The following GTF2F2 variants were observed in gnomAD, a reference collection of about 807,000 sequenced individuals.
GTF2F2 encodes the protein ATP-dependent helicase GTF2F2.
Under a neutral mutation model 42.2 loss-of-function variants are expected in GTF2F2, and 23 were observed. The ratio of observed to expected loss-of-function variants is 0.55; its 90% confidence interval spans 0.39 to 0.77. The LOEUF (loss-of-function observed/expected upper bound fraction) is 0.77. GTF2F2 is among the 30% of genes least tolerant of loss of function. The pLI is 0.00. For synonymous variants in GTF2F2, 105 were observed against 100.8 expected (o/e 1.04, Z -0.25); for missense variants, 261 against 287.2 (o/e 0.91, Z 0.66).
At chr13:45,249,716 A>G (rs1875794591) in intron 5 of GTF2F2, among the ~76,000 whole-genome samples, 1 of 152,218 alleles carries the variant, frequency 6.6e-6, no homozygotes, top group Admixed American at 6.5e-5. Flanking sequence ...CATAAGATCA[A>G]ATCGTGGAGA....
chr13:45,128,266 C>T (rs1464673463), intron 1 of GTF2F2, among the ~76,000 whole-genome samples: 3 of 147,870 alleles, frequency 2.0e-5, no homozygotes, highest in East Asian at 4.2e-4. Context: ...GGCCTCCCCC[C>T]TGGCCTTTTT....
rs61077504 is a variant in GTF2F2, at chr13:45,235,041, CAAAAAAAAAAAAAAAAAAA to C, written c.387-17818_387-17800del. ...GCCTGGGCAACAAGAGCGGGAAACTCAAAAAAAAAAAAAAAAAAAAAAAAAAAAAAGGTCATAGTTGAAT... is the reference window on the plus strand; with the variant it reads ...GCCTGGGCAACAAGAGCGGGAAACTCAAAAAAAAAAAGGTCATAGTTGAAT... On this transcript the variant is annotated intron_variant, in intron 5 of 7. Transcript: ENST00000340473. Among the ~76,000 whole-genome samples, 5 of 43,718 alleles carry C rather than the reference CAAAAAAAAAAAAAAAAAAA, an allele frequency of 1.1e-4. No homozygotes were observed. The East Asian group carries it at 5.7e-3, about 50-fold the overall frequency. The allele number at this position is 43,718 out of a possible 152,430, so 28.7% of individuals were successfully genotyped here.
intron 4 of GTF2F2, among the ~76,000 whole-genome samples, chr13:45,183,560 T>A (rs994508051): frequency 5.9e-5 from 9 of 152,168 alleles, no homozygotes; most frequent in Non-Finnish European, 1.3e-4. Flanking sequence ...CTTGATAACT[T>A]GGCCACACTT....
At chr13:45,235,041 C>CAA (rs61077504) in intron 5 of GTF2F2, among the ~76,000 whole-genome samples, 502 of 43,722 alleles carry the variant, frequency 0.011, 44 homozygotes, top group South Asian at 0.02. Context: ...GCGGGAAACT[C>CAA]AAAAAAAAAA....
At chr13:45,160,913 A>G (rs1358747317) in intron 4 of GTF2F2, among the ~76,000 whole-genome samples, 1 of 152,168 alleles carries the variant, frequency 6.6e-6, no homozygotes, top group South Asian at 2.1e-4. Context: ...CTAGCTCAGC[A>G]CTCAACTCAA....
At position 45,176,387 on chromosome 13, in the gene GTF2F2, C is replaced by T. The variant is rs529470622; in HGVS notation, c.304+24556C>T. On this transcript the variant is annotated intron_variant, in intron 4 of 7. Transcript: ENST00000340473. ...TCTCACTGTGGTTTGATTTGACATC[C>T]GTCTCTTTTTTAAATGAAGTTACCC... Among the ~76,000 whole-genome samples, 6 of 152,168 alleles carry T rather than the reference C, an allele frequency of 3.9e-5. No individual in the cohort carries two copies. In the South Asian group the frequency reaches 8.3e-4, roughly 21 times the overall value.
intron 1 of GTF2F2, among the ~76,000 whole-genome samples, chr13:45,122,795 G>A (rs764326594): frequency 1.1e-4 from 17 of 151,970 alleles, no homozygotes; most frequent in Non-Finnish European, 2.2e-4. Context: ...TCTGATCTTT[G>A]TTGCTAAATA....
intron 5 of GTF2F2, among the ~76,000 whole-genome samples, chr13:45,208,375 G>T (rs950131388): frequency 6.6e-6 from 1 of 152,002 alleles, no homozygotes; most frequent in Non-Finnish European, 1.5e-5. Context: ...TAAGCCCTGA[G>T]GAAATATATT....
At chr13:45,138,969 C>A (rs1393492840) in intron 2 of GTF2F2, among the ~76,000 whole-genome samples, 1 of 152,120 alleles carries the variant, frequency 6.6e-6, no homozygotes, top group Non-Finnish European at 1.5e-5. Flanking sequence ...ATTATGAATG[C>A]TGTTTATTCC....
intron 4 of GTF2F2, among the ~76,000 whole-genome samples, chr13:45,192,467 G>T (rs1376406342): frequency 6.6e-6 from 1 of 152,128 alleles, no homozygotes. Flanking sequence ...TGTAACCTCA[G>T]TCAAGATTTT....
chr13:45,262,028 C>A (rs1876362836), intron 6 of GTF2F2, among the ~76,000 whole-genome samples: 1 of 152,040 alleles, frequency 6.6e-6, no homozygotes, highest in Admixed American at 6.6e-5. Context: ...TTATCTGATA[C>A]CACAGAGCAG....
intron 5 of GTF2F2, among the ~76,000 whole-genome samples, chr13:45,236,441 G>A (rs1265895945): frequency 1.3e-5 from 2 of 151,486 alleles, no homozygotes; most frequent in Non-Finnish European, 2.9e-5. Context: ...ATGGTGTCAA[G>A]AAGATTGCTA....
chr13:45,267,421 T>A (rs1190082108), intron 7 of GTF2F2, 45 bp downstream of exon 7: 4 of 1,306,800 alleles, frequency 3.1e-6, no homozygotes, highest in Non-Finnish European at 3.2e-6. Context: ...CCCTCCTTCA[T>A]TAACACGACA....
chr13:45,159,720 C>T (rs922847731), intron 4 of GTF2F2, among the ~76,000 whole-genome samples: 4 of 152,092 alleles, frequency 2.6e-5, no homozygotes, highest in African/African-American at 9.7e-5. Flanking sequence ...GTAATCTGCC[C>T]GCCTCAGCCT....
chr13:45,272,801 G>A (rs921362354), intron 7 of GTF2F2, among the ~76,000 whole-genome samples: 10 of 149,812 alleles, frequency 6.7e-5, no homozygotes, highest in Admixed American at 2.0e-4. Context: ...AGTGCTCAAA[G>A]CTCCATAGCT....
chr13:45,272,086 A>G (rs1010836334), intron 7 of GTF2F2, among the ~76,000 whole-genome samples: 3 of 149,338 alleles, frequency 2.0e-5, no homozygotes, highest in East Asian at 2.0e-4. Context: ...TTATATTTTT[A>G]TATTTTAAAT....
intron 4 of GTF2F2, among the ~76,000 whole-genome samples, chr13:45,178,589 A>T (rs1246414459): frequency 1.3e-5 from 2 of 152,024 alleles, no homozygotes; most frequent in East Asian, 3.9e-4. Flanking sequence ...TATTTATAGG[A>T]ATAACATGAC....
chr13:45,268,532 A>G (rs1202718640), intron 7 of GTF2F2, among the ~76,000 whole-genome samples: 1 of 152,144 alleles, frequency 6.6e-6, no homozygotes, highest in Non-Finnish European at 1.5e-5. Context: ...AGTATTATCA[A>G]TTCATCCCAA....
intron 5 of GTF2F2, among the ~76,000 whole-genome samples, chr13:45,229,258 C>T (rs751715148): frequency 6.6e-6 from 1 of 152,110 alleles, no homozygotes; most frequent in South Asian, 2.1e-4. Flanking sequence ...GTGGATTGCA[C>T]ACCCTTCCTG....
Sources: gnomAD v4.1 joint callset for allele counts (sites outside exome capture counted in the v4.1 genomes callset) on GRCh38, gnomAD v4.1.1 for gene constraint, MANE v1.5 for transcripts, NCBI Gene and HGNC (gene_info 2026-07-23, HGNC 2026-07-21) for gene names.